Variants in AOX1 observed in about 807,000 individuals in gnomAD.
AOX1 encodes aldehyde oxidase.
In AOX1, 153 loss-of-function variants were observed where a neutral mutation model predicts 169.5. That is an observed-to-expected ratio of 0.90 (90% confidence interval 0.79 to 1.03). AOX1 has a LOEUF of 1.03. Ranked by LOEUF, AOX1 falls within the 50% of genes least tolerant of loss-of-function variation. The pLI is 0.00. For synonymous variants in AOX1, 562 were observed against 581.9 expected (o/e 0.97, Z 0.49); for missense variants, 1,656 against 1,663.9 (o/e 1.00, Z 0.08).
chr2:200,675,031 C>T (rs1011868348), downstream of AOX1, among the ~76,000 whole-genome samples: 5 of 152,216 alleles, frequency 3.3e-5, no homozygotes, highest in African/African-American at 9.6e-5. Flanking sequence ...GGAGTGAGTG[C>T]ATGACTGTGG....
intron 1 of AOX1, among the ~76,000 whole-genome samples, chr2:200,589,726 G>T (rs143056340): frequency 0.018 from 2,768 of 152,288 alleles, 48 homozygotes; most frequent in South Asian, 0.033. Flanking sequence ...CTGCTTAGAG[G>T]TGTCAAGGAT....
At chr2:200,596,182 A>G (rs983663764) in intron 3 of AOX1, among the ~76,000 whole-genome samples, 1 of 152,236 alleles carries the variant, frequency 6.6e-6, no homozygotes, top group Admixed American at 6.5e-5. Flanking sequence ...GAGGTTTCAG[A>G]TATCTGCCTG....
chr2:200,618,922 A>T (rs1442406697), intron 16 of AOX1, among the ~76,000 whole-genome samples: 4 of 152,212 alleles, frequency 2.6e-5, no homozygotes, highest in African/African-American at 9.7e-5. Context: ...AGTTCCATAG[A>T]GCAAGAGCCT....
At chr2:200,586,819 C>T (rs1344827492) in intron 1 of AOX1, among the ~76,000 whole-genome samples, 1 of 152,192 alleles carries the variant, frequency 6.6e-6, no homozygotes, top group African/African-American at 2.4e-5. Context: ...CTGCGCAACC[C>T]GAGGGACAGT....
At chr2:200,657,674 T>A (rs988851898) in intron 27 of AOX1, among the ~76,000 whole-genome samples, 3 of 152,194 alleles carry the variant, frequency 2.0e-5, no homozygotes, top group Admixed American at 6.5e-5. Flanking sequence ...CTAATATAAA[T>A]CACCTTTGAT....
chr2:200,673,423 C>A (rs967185629), downstream of AOX1, among the ~76,000 whole-genome samples: 2 of 152,182 alleles, frequency 1.3e-5, no homozygotes, highest in Non-Finnish European at 2.9e-5. Context: ...GTTCTCTTTG[C>A]GCACACATCT....
rs148902105 is a variant in AOX1 at position 200,662,917 on chromosome 2, A to T, written c.3491A>T (p.Tyr1164Phe). 6 of 1,614,114 alleles carry T rather than the reference A, an allele frequency of 3.7e-6. No homozygotes were observed. The highest frequency in any genetic ancestry group is 5.1e-6 in the Non-Finnish European group (6 of 1,179,968). Residue 1164 changes from tyrosine (Y) to phenylalanine (F), a missense_variant, in exon 31 of 35, where the codon TAT (tyrosine) becomes TTT (phenylalanine). Physicochemically the swap from Tyr to Phe is conservative, Grantham distance 22 (BLOSUM62 3). Transcript: ENST00000374700. ...GEGQPFEYFV[Y>F]GAACSEVEID... ...GGCCAGCCCTTCGAATACTTTGTTTATGGAGCTGCCTGTTCCGAGGTTGAA... is the reference window on the plus strand; with the variant it reads ...GGCCAGCCCTTCGAATACTTTGTTTTTGGAGCTGCCTGTTCCGAGGTTGAA...
chr2:200,659,372 C>A, intron 28 of AOX1, 79 bp downstream of exon 28: 1 of 1,491,822 alleles, frequency 6.7e-7, no homozygotes, highest in Non-Finnish European at 9.1e-7. Flanking sequence ...TCCAAAGATG[C>A]TGAGAGTTAA....
intron 26 of AOX1, among the ~76,000 whole-genome samples, chr2:200,654,772 G>A (rs1006416875): frequency 1.3e-5 from 2 of 152,214 alleles, no homozygotes; most frequent in Non-Finnish European, 2.9e-5. Flanking sequence ...TATGTTGGAG[G>A]ACCATCTACT....
At position 200,591,023 on chromosome 2, in the gene AOX1, C is replaced by T. The variant is rs115061571; in HGVS notation, c.46-2123C>T. Among the ~76,000 whole-genome samples, 365 of 152,330 alleles carry T rather than the reference C, an allele frequency of 2.4e-3. 3 individuals are homozygous for T. The highest frequency in any genetic ancestry group is 8.4e-3 in the African/African-American group (349 of 41,568). On this transcript the variant is annotated intron_variant, in intron 1 of 34. Coordinates refer to ENST00000374700, the MANE Select transcript of AOX1 (RefSeq NM_001159.4). ...AACCTACAGTTTCTGCCACCAATAA[C>T]TTCTGTGTTTTTCTTTATTTTTCAT...
rs934128307 is a variant in AOX1, at chr2:200,597,412, T to C, written c.216T>C (p.Asn72=). The change falls in exon 4 of 35, where the codon AAT becomes AAC. Residue 72 remains asparagine (N), a synonymous_variant. Coordinates refer to ENST00000374700, the MANE Select transcript of AOX1 (RefSeq NM_001159.4). ...CATTCTGAAGGCATCACCCAGCCAA[T>C]GCCTGTCTGATTCCCATCTGTTCTC... The part of the protein sequence containing the change: ...ITKRIRHHPA[N]ACLIPICSLY... The C allele has an allele frequency of 6.2e-7, 1 of 1,608,676 alleles. No homozygotes were observed. Among genetic ancestry groups the C allele is most frequent in the Non-Finnish European group, 8.5e-7 (1 of 1,177,464 alleles).
rs371355321 is a variant in AOX1, at chr2:200,605,622, T to C, written c.901T>C (p.Tyr301His). The change falls in exon 10 of 35, where the codon TAT (tyrosine) becomes CAT (histidine). Residue 301 changes from tyrosine to histidine, a missense_variant. Coordinates refer to ENST00000374700, the MANE Select transcript of AOX1 (RefSeq NM_001159.4). The part of the protein sequence containing the change: ...IEELSVVNHA[Y>H]NGLTLGAGLS... ...AGAACTGAGTGTTGTAAACCATGCA[T>C]ATAATGGTGAGTTCTCAAGTCCCTG... is the stretch of plus-strand genomic sequence containing the variant. The C allele has an allele frequency of 4.0e-6, 6 of 1,505,358 alleles. No homozygotes were observed. The African/African-American group carries it at 7.1e-5, about 18-fold the overall frequency. The allele number at this position is 1,505,358 out of a possible 1,614,324, so 93.3% of individuals were successfully genotyped here. A position where few individuals can be genotyped will look rare whatever the true frequency, so the allele number is the denominator to read the frequency against.
At chr2:200,598,921 T>C (rs928315278) in intron 4 of AOX1, among the ~76,000 whole-genome samples, 3 of 152,082 alleles carry the variant, frequency 2.0e-5, no homozygotes, top group African/African-American at 7.2e-5. Context: ...AGGGAGAGAA[T>C]TTTGCCTGGA....
At chr2:200,660,329 A>G (rs533507619) in intron 29 of AOX1, among the ~76,000 whole-genome samples, 1 of 152,232 alleles carries the variant, frequency 6.6e-6, no homozygotes, top group Non-Finnish European at 1.5e-5. Flanking sequence ...TTAATCCAGA[A>G]TTAATTAATG....
intron 27 of AOX1, among the ~76,000 whole-genome samples, chr2:200,657,221 G>T (rs1310505225): frequency 8.2e-6 from 1 of 122,200 alleles, no homozygotes; most frequent in African/African-American, 3.3e-5. Context: ...GCAGGGCATG[G>T]TGGCATGAGC....
chr2:200,631,706 C>T (rs548480581), intron 20 of AOX1, among the ~76,000 whole-genome samples: 34 of 152,154 alleles, frequency 2.2e-4, no homozygotes, highest in Non-Finnish European at 4.6e-4. Flanking sequence ...TAAAACTTTC[C>T]CTTCTTTACA....
intron 26 of AOX1, among the ~76,000 whole-genome samples, chr2:200,651,920 G>A (rs1485659483): frequency 1.3e-5 from 2 of 152,088 alleles, no homozygotes; most frequent in Non-Finnish European, 2.9e-5. Flanking sequence ...TGGCAGCCGG[G>A]AACCCCTATT....
rs140244118 is a variant in AOX1, at chr2:200,621,941, G to A, written c.2001+695G>A. Among the ~76,000 whole-genome samples the A allele has an allele frequency of 2.4e-3, 369 of 152,152 alleles. 4 individuals carry two copies. Among genetic ancestry groups the A allele is most frequent in the African/African-American group, 8.5e-3 (353 of 41,526 alleles). Reference sequence around the variant, plus strand: ...CTAATTTTTGTGTTTTTAGTAGACAGCATTTTTGCCATGTTGGCCAGGCTG... The same window carrying A: ...CTAATTTTTGTGTTTTTAGTAGACAACATTTTTGCCATGTTGGCCAGGCTG... On this transcript the variant is annotated intron_variant, in intron 18 of 34. Coordinates refer to ENST00000374700, the MANE Select transcript of AOX1 (RefSeq NM_001159.4).
chr2:200,595,374 G>C lies in AOX1; in HGVS notation c.200+6G>C, dbSNP rs139280025. ...CCCATCACCAAGAGGATAAGGTACC[G>C]TGCAGCAAAGTCCAGATATGGTTGA... On this transcript the variant is annotated splice_donor_region_variant and intron_variant, in intron 3 of 34. Transcript: ENST00000374700. 9 of 1,601,022 alleles carry C rather than the reference G, an allele frequency of 5.6e-6. No homozygotes were observed. Among genetic ancestry groups the C allele is most frequent in the East Asian group, 4.5e-5 (2 of 44,802 alleles).
Sources: allele counts gnomAD v4.1 joint callset (sites outside exome capture counted in the v4.1 genomes callset), GRCh38; gene constraint gnomAD v4.1.1; transcripts MANE v1.5; gene names NCBI Gene and HGNC (gene_info 2026-07-23, HGNC 2026-07-21).